SNAPC3: variants seen among roughly 807,000 people sequenced by gnomAD.
The protein encoded by SNAPC3 is snRNA-activating protein complex subunit 3.
SNAPC3 carries 56 observed loss-of-function variants against 47.7 expected under a neutral mutation model. The ratio of observed to expected loss-of-function variants is 1.18; its 90% CI spans 0.95 to 1.47. SNAPC3 has a LOEUF of 1.47. SNAPC3 is among the 40% of genes most tolerant of loss of function. The probability of loss-of-function intolerance (pLI) is 0.00; values close to 1 mark genes in which losing one functional copy is unlikely to be tolerated. For synonymous variants in SNAPC3, 235 were observed against 189.9 expected (o/e 1.24, Z -1.95); for missense variants, 665 against 511.3 (o/e 1.30, Z -2.90).
intron 5 of SNAPC3, among the ~76,000 whole-genome samples, chr9:15,450,449 C>T (rs1399647560): frequency 1.3e-5 from 2 of 152,178 alleles, no homozygotes; most frequent in African/African-American, 4.8e-5. Flanking sequence ...TTGATCTTCA[C>T]CACAATCCTG....
At position 15,423,267 on chromosome 9, in the gene SNAPC3, G is replaced by C; in HGVS notation, c.314+74G>C. The C allele has an allele frequency of 1.2e-5, 17 of 1,406,612 alleles. No individual in the cohort carries two copies. In the South Asian group the frequency reaches 2.3e-4, roughly 19 times the overall value. The allele number at this position is 1,406,612 out of a possible 1,614,324, so 87.1% of individuals were successfully genotyped here. A position where few individuals can be genotyped will look rare whatever the true frequency, so the allele number is the denominator to read the frequency against. ...CAGCCTTGCTCGTGCGCTCCTCTGGGACTCATCCCTGAGAAGGGCCTGTGG... is the reference window on the plus strand; with the variant it reads ...CAGCCTTGCTCGTGCGCTCCTCTGGCACTCATCCCTGAGAAGGGCCTGTGG... On this transcript the variant is annotated intron_variant, in intron 1 of 8. Transcript: ENST00000380821.
At position 15,422,984 on chromosome 9, in the gene SNAPC3, C is replaced by G. The variant is rs747444241; in HGVS notation, c.105C>G (p.Pro35=). The change falls in exon 1 of 9, where the codon CCC becomes CCG. Residue 35 remains proline (P), a synonymous_variant. Transcript: ENST00000380821. ...GCAACTTTCCAGAGTATGAGCTTCC[C>G]GAGCTAAATACGCGCGCTTTCCATG... The part of the protein sequence containing the change: ...GGCNFPEYEL[P]ELNTRAFHVG... The G allele has an allele frequency of 6.5e-7, 1 of 1,546,026 alleles. No individual in the cohort carries two copies. The highest frequency in any genetic ancestry group is 8.7e-7 in the Non-Finnish European group (1 of 1,153,360).
intron 3 of SNAPC3, among the ~76,000 whole-genome samples, chr9:15,434,911 CT>C (rs1335250866): frequency 3.3e-5 from 5 of 152,120 alleles, no homozygotes; most frequent in African/African-American, 4.8e-5. Context: ...GTACAGATAT[CT>C]TTTTAAGTCC....
chr9:15,465,662 T>C (rs1317928397), downstream of SNAPC3: 5 of 1,189,750 alleles, frequency 4.2e-6, no homozygotes, highest in Non-Finnish European at 6.0e-6. Context: ...CTGCATTATA[T>C]TTTTAAACCC....
rs891269223 is a variant in SNAPC3 at position 15,443,378 on chromosome 9, C to CT, written c.478-1217dup. Among the ~76,000 whole-genome samples the CT allele has an allele frequency of 9.2e-5, 14 of 152,192 alleles. No individual in the cohort carries two copies. The East Asian group carries it at 2.7e-3, about 29-fold the overall frequency. On this transcript the variant is annotated intron_variant, in intron 3 of 8. Coordinates refer to ENST00000380821, the MANE Select transcript of SNAPC3 (RefSeq NM_001039697.2). The stretch of plus-strand genomic sequence containing the variant: ...TCCTAAGAGTTGTCCATACTTTCCT[C>CT]TTTTTTTGTGATTTATATGTTTTTT...
At chr9:15,458,557 A>G (rs934663001) in intron 8 of SNAPC3, among the ~76,000 whole-genome samples, 2 of 152,194 alleles carry the variant, frequency 1.3e-5, no homozygotes, top group African/African-American at 4.8e-5. Flanking sequence ...AACTTCATCA[A>G]TAAAACCACA....
chr9:15,452,975 A>C (rs1022279883), intron 6 of SNAPC3, 66 bp from the exon 7 acceptor site: 6 of 1,351,526 alleles, frequency 4.4e-6, no homozygotes, highest in Non-Finnish European at 6.1e-6. Context: ...TGCAATCACA[A>C]ACTGTTTTCT....
chr9:15,458,083 T>TC lies in SNAPC3; in HGVS notation c.1088+16_1088+17insC. 9.3e-7 allele frequency: 1 copy of TC among 1,078,690 alleles called. No homozygotes were observed. The highest frequency in any genetic ancestry group is 2.0e-5 in the South Asian group (1 of 50,824). 66.8% of individuals were successfully genotyped at this position (1,078,690 alleles called of 1,614,324 possible). ...ATACAGCCAGGTGAGTGATAATGTA[T>TC]TTTTTTTTTTCTCTGAGAAATGGCA... On this transcript the variant is annotated intron_variant, in intron 8 of 8. Coordinates refer to ENST00000380821, the MANE Select transcript of SNAPC3 (RefSeq NM_001039697.2).
At chr9:15,443,879 C>T (rs532117784) in intron 3 of SNAPC3, among the ~76,000 whole-genome samples, 191 of 152,274 alleles carry the variant, frequency 1.3e-3, no homozygotes, top group African/African-American at 4.5e-3. Context: ...CAACTTCTCT[C>T]GTCATCAAAC....
At chr9:15,441,972 AG>A (rs1263541551) in intron 3 of SNAPC3, among the ~76,000 whole-genome samples, 1 of 151,720 alleles carries the variant, frequency 6.6e-6, no homozygotes, top group Non-Finnish European at 1.5e-5. Context: ...AGGGGCGGCC[AG>A]GCAGAGGCGC....
At chr9:15,430,388 T>A (rs1391143812) in intron 2 of SNAPC3, among the ~76,000 whole-genome samples, 3 of 151,850 alleles carry the variant, frequency 2.0e-5, no homozygotes, top group African/African-American at 7.3e-5. Flanking sequence ...GCCGTGATTT[T>A]ACCACTCCAC....
chr9:15,426,643 C>T (rs62570970), intron 2 of SNAPC3, among the ~76,000 whole-genome samples: 6,240 of 152,074 alleles, frequency 0.041, 139 homozygotes, highest in South Asian at 0.067. Flanking sequence ...CTCTTTTTTG[C>T]TATAGTTAAT....
chr9:15,442,438 C>A (rs1371859849), intron 3 of SNAPC3, among the ~76,000 whole-genome samples: 1 of 151,404 alleles, frequency 6.6e-6, no homozygotes, highest in Admixed American at 6.6e-5. Flanking sequence ...GGCGGAGGGC[C>A]TCCTCACTTC....
downstream of SNAPC3, among the ~76,000 whole-genome samples, chr9:15,466,316 T>C (rs1262951522): frequency 6.6e-6 from 1 of 152,102 alleles, no homozygotes; most frequent in Admixed American, 6.5e-5. Context: ...GAAGTGGAGG[T>C]TGCAGTGAGC....
downstream of SNAPC3, chr9:15,465,018 A>G (rs1344633391): frequency 1.4e-5 from 3 of 220,138 alleles, no homozygotes; most frequent in African/African-American, 2.2e-5. Flanking sequence ...AACTTTTGAT[A>G]AAAAGGGAGT....
chr9:15,429,772 A>G (rs1012076764), intron 2 of SNAPC3, among the ~76,000 whole-genome samples: 2 of 152,208 alleles, frequency 1.3e-5, no homozygotes, highest in Non-Finnish European at 2.9e-5. Flanking sequence ...GAGACCAAAT[A>G]CATTAGTCTT....
intron 3 of SNAPC3, chr9:15,433,850 A>G (rs1247992456): frequency 2.6e-6 from 1 of 378,810 alleles, no homozygotes; most frequent in African/African-American, 2.1e-5. Flanking sequence ...CTCTGCCTTT[A>G]TTCTTGTTTG....
chr9:15,436,984 C>T (rs919935357), intron 3 of SNAPC3, among the ~76,000 whole-genome samples: 3 of 149,006 alleles, frequency 2.0e-5, no homozygotes, highest in Admixed American at 6.7e-5. Context: ...CCACCATGCC[C>T]GGCTAAGTTT....
chr9:15,454,016 A>G (rs944033294), intron 7 of SNAPC3, among the ~76,000 whole-genome samples: 1 of 152,172 alleles, frequency 6.6e-6, no homozygotes, highest in Non-Finnish European at 1.5e-5. Flanking sequence ...AAGTGGGCAA[A>G]TTGAGCCCAG....
Sources: allele counts gnomAD v4.1 joint callset (sites outside exome capture counted in the v4.1 genomes callset), GRCh38; gene constraint gnomAD v4.1.1; transcripts MANE v1.5; gene names NCBI Gene and HGNC (gene_info 2026-07-23, HGNC 2026-07-21).